Variants in CSMD2 observed in about 807,000 individuals in gnomAD.
CSMD2 encodes the protein CUB and Sushi multiple domains 2.
CSMD2 carries 130 observed loss-of-function variants against 398.5 expected under a neutral mutation model. The observed-to-expected ratio is 0.33, with a 90% CI of 0.28 to 0.38. The LOEUF (loss-of-function observed/expected upper bound fraction) is 0.38. CSMD2 is among the 10% of genes least tolerant of loss of function. CSMD2 has a pLI of 1.00. For synonymous variants in CSMD2, 1,828 were observed against 1,908.5 expected (o/e 0.96, Z 1.10); for missense variants, 3,829 against 4,764.9 (o/e 0.80, Z 5.78).
At chr1:34,110,880 C>A (rs1276256365) in intron 1 of CSMD2, among the ~76,000 whole-genome samples, 1 of 151,824 alleles carries the variant, frequency 6.6e-6, no homozygotes, top group Non-Finnish European at 1.5e-5. Context: ...GCACATGTAC[C>A]CCTGAATCTA....
rs954370064 is a variant in CSMD2 at position 33,533,580 on chromosome 1, TC to T, written c.9991+215del. On this transcript the variant is annotated intron_variant, in intron 63 of 70. Coordinates refer to ENST00000373381, the MANE Select transcript of CSMD2 (RefSeq NM_001281956.2). The surrounding 1 kb of genome is among the most constrained non-coding windows in gnomAD (Gnocchi z 4.2). Reference sequence around the variant, plus strand: ...TTGCTGCTGCCACTGGATAGTTTTTTCTTTGCTAAGGCATAGGGATTGCCTT... The same window carrying T: ...TTGCTGCTGCCACTGGATAGTTTTTTTTTGCTAAGGCATAGGGATTGCCTT... 1.5e-4 allele frequency among the ~76,000 whole-genome samples: 22 copies of T among 151,250 alleles called. No homozygotes were observed. The highest frequency in any genetic ancestry group is 4.6e-4 in the African/African-American group (19 of 41,032).
chr1:33,646,103 C>G (rs1229763219), intron 29 of CSMD2, among the ~76,000 whole-genome samples: 3 of 152,182 alleles, frequency 2.0e-5, no homozygotes, highest in African/African-American at 4.8e-5. Flanking sequence ...GAAGGATGAG[C>G]AAATGTGATC....
At chr1:33,550,412 C>A in intron 55 of CSMD2, 62 bp from the exon 56 acceptor site, 1 of 1,499,376 alleles carries the variant, frequency 6.7e-7, no homozygotes, top group Non-Finnish European at 9.1e-7. Context: ...ATCACACAAT[C>A]CATGCTAGGC....
At chr1:33,981,302 T>C (rs1646158052) in intron 3 of CSMD2, among the ~76,000 whole-genome samples, 1 of 152,194 alleles carries the variant, frequency 6.6e-6, no homozygotes, top group Admixed American at 6.5e-5. Context: ...CAGCTGTTCA[T>C]AAGCACTTTC....
At chr1:34,046,938 C>A (rs1398020056) in intron 2 of CSMD2, among the ~76,000 whole-genome samples, 1 of 152,100 alleles carries the variant, frequency 6.6e-6, no homozygotes, top group Non-Finnish European at 1.5e-5. Flanking sequence ...CCATCTCTTG[C>A]CTCAATTACT....
rs539203942 is a variant in CSMD2 at position 33,648,158 on chromosome 1, C to G, written c.4587-1323G>C. 2.0e-4 allele frequency among the ~76,000 whole-genome samples: 30 copies of G among 152,030 alleles called. 1 individual carries two copies. The highest frequency in any genetic ancestry group is 3.4e-3 in the Middle Eastern group (1 of 294). On this transcript the variant is annotated intron_variant, in intron 28 of 70. Coordinates refer to ENST00000373381, the MANE Select transcript of CSMD2 (RefSeq NM_001281956.2). The stretch of plus-strand genomic sequence containing the variant: ...TGGGCGGATCACAAGGTCCGGAGAT[C>G]GAGACCATCCTGACTAACACGGTGA...
chr1:33,843,390 CTTTTAT>C (rs1661048297), intron 6 of CSMD2, among the ~76,000 whole-genome samples: 1 of 152,132 alleles, frequency 6.6e-6, no homozygotes, highest in African/African-American at 2.4e-5. Context: ...TGTAGGTTAT[CTTTTAT>C]TTTAAGTTTA....
In CSMD2 at chr1:33,643,957, G is replaced by T. The variant is rs755534880; in HGVS notation, c.4774+2691C>A. On this transcript the variant is annotated intron_variant, in intron 29 of 70. Transcript: ENST00000373381. ...AGGAACAAATGAAATAATGAAGGAT[G>T]CTTGAGGCTTCCAACAGGCACCCCC... Among the ~76,000 whole-genome samples the T allele has an allele frequency of 2.0e-5, 3 of 151,824 alleles. No individual in the cohort carries two copies. The East Asian group carries it at 5.8e-4, about 29-fold the overall frequency.
intron 1 of CSMD2, among the ~76,000 whole-genome samples, chr1:34,150,040 A>T (rs1024297779): frequency 3.9e-5 from 6 of 152,022 alleles, no homozygotes; most frequent in Admixed American, 1.3e-4. Flanking sequence ...TGATTCAGAA[A>T]ATCAGAGGAA....
At chr1:34,148,465 T>C (rs1342977375) in intron 1 of CSMD2, among the ~76,000 whole-genome samples, 2 of 152,248 alleles carry the variant, frequency 1.3e-5, no homozygotes, top group African/African-American at 4.8e-5. Flanking sequence ...CATGTTCAGT[T>C]TGATCTGACA....
intron 1 of CSMD2, among the ~76,000 whole-genome samples, chr1:34,093,572 T>G (rs940165139): frequency 4.6e-5 from 7 of 151,732 alleles, no homozygotes; most frequent in African/African-American, 1.7e-4. Flanking sequence ...AAGGAGCTGA[T>G]GGAGCTGAAA....
chr1:34,149,618 A>G (rs1020613689), intron 1 of CSMD2, among the ~76,000 whole-genome samples: 10 of 152,206 alleles, frequency 6.6e-5, no homozygotes, highest in African/African-American at 2.4e-4. Context: ...TGTCAGGCCA[A>G]CCCTCACCAA....
chr1:34,100,176 A>G (rs958575130), intron 1 of CSMD2, among the ~76,000 whole-genome samples: 5 of 152,148 alleles, frequency 3.3e-5, no homozygotes, highest in African/African-American at 9.7e-5. Context: ...TTATTCTTCA[A>G]TCTTCAATTT....
At chr1:33,611,292 G>A in intron 40 of CSMD2, 42 bp from the exon 41 acceptor site, 1 of 1,540,396 alleles carries the variant, frequency 6.5e-7, no homozygotes, top group Non-Finnish European at 9.0e-7. Context: ...AAGCAACACA[G>A]TCCTGCCTCA....
At chr1:33,652,276 T>A (rs1359623593) in intron 28 of CSMD2, 47 bp downstream of exon 28, 3 of 1,601,316 alleles carry the variant, frequency 1.9e-6, no homozygotes, top group Non-Finnish European at 2.6e-6. Flanking sequence ...CCAGAGCCCC[T>A]AGCCACTCTG....
intron 15 of CSMD2, among the ~76,000 whole-genome samples, chr1:33,734,586 A>G (rs1002931984): frequency 6.6e-5 from 10 of 152,192 alleles, no homozygotes; most frequent in African/African-American, 2.4e-4. Flanking sequence ...GGAGTTTGAG[A>G]CCAGTCTGGC....
intron 13 of CSMD2, 79 bp downstream of exon 13, chr1:33,772,490 G>A (rs1003874468): frequency 1.5e-5 from 21 of 1,385,358 alleles, no homozygotes; most frequent in Non-Finnish European, 2.1e-5. Context: ...TCCCAGGGAC[G>A]GGGCCCCTGG....
chr1:33,744,048 G>C (rs1191094082), intron 13 of CSMD2, among the ~76,000 whole-genome samples: 1 of 152,114 alleles, frequency 6.6e-6, no homozygotes, highest in African/African-American at 2.4e-5. Flanking sequence ...TCTCTCCTTT[G>C]ACCTCTCCCA....
intron 13 of CSMD2, among the ~76,000 whole-genome samples, chr1:33,763,762 T>A (rs16835853): frequency 0.024 from 3,609 of 152,296 alleles, 44 homozygotes; most frequent in South Asian, 0.03. Flanking sequence ...ATGATGGTAC[T>A]TTGGGAAGTT....
Sources: gnomAD v4.1 joint callset for allele counts (sites outside exome capture counted in the v4.1 genomes callset) on GRCh38, gnomAD v4.1.1 for gene constraint, Gnocchi (gnomAD v3.1) non-coding constraint, MANE v1.5 for transcripts, NCBI Gene and HGNC (gene_info 2026-07-23, HGNC 2026-07-21) for gene names.